Variants in NLRC4 observed in about 807,000 individuals in gnomAD.
The protein encoded by NLRC4 is NLR family CARD domain containing 4, also known as NLR family CARD domain-containing protein 4.
Under a neutral mutation model 79.9 loss-of-function variants are expected in NLRC4, and 63 were observed. That is an observed-to-expected ratio of 0.79 (90% CI 0.64 to 0.97). NLRC4 has a LOEUF of 0.97. Among genes scored for constraint, NLRC4 ranks in the 50% least tolerant of loss-of-function variants. NLRC4 has a pLI of 0.00. For missense variants in NLRC4, 1,074 were observed against 1,215.2 expected (o/e 0.88, Z 1.73); for synonymous variants, 461 against 456.5 (o/e 1.01, Z -0.12).
chr2:32,241,517 C>T (rs1686801555), intron 4 of NLRC4, among the ~76,000 whole-genome samples: 1 of 151,838 alleles, frequency 6.6e-6, no homozygotes, highest in African/African-American at 2.4e-5. Context: ...GCTGGGACTA[C>T]AGGCACCTGC....
rs751434892 is a variant in NLRC4 at position 32,261,316 on chromosome 2, C to CTTTTTTTTTTT, written c.-119+3421_-119+3422insAAAAAAAAAAA. ...TTCTTTCGCCTATTAAGCCTCCCCCCTTTTGTTTTTTTTTGAGATGGAGCC... is the reference window on the plus strand; with the variant it reads ...TTCTTTCGCCTATTAAGCCTCCCCCCTTTTTTTTTTTTTTTGTTTTTTTTTGAGATGGAGCC... On this transcript the variant is annotated intron_variant, in intron 1 of 8. Coordinates refer to ENST00000402280, the MANE Select transcript of NLRC4 (RefSeq NM_001199138.2). 1.8e-3 allele frequency among the ~76,000 whole-genome samples: 178 copies of CTTTTTTTTTTT among 96,790 alleles called. 18 individuals are homozygous for CTTTTTTTTTTT. Among genetic ancestry groups the CTTTTTTTTTTT allele is most frequent in the South Asian group, 2.8e-3 (9 of 3,188 alleles). 63.5% of individuals were successfully genotyped at this position (96,790 alleles called of 152,430 possible). A position where few individuals can be genotyped will look rare whatever the true frequency, so the allele number is the denominator to read the frequency against.
chr2:32,255,007 A>G (rs1278668394), intron 2 of NLRC4, among the ~76,000 whole-genome samples: 3 of 151,806 alleles, frequency 2.0e-5, no homozygotes, highest in Non-Finnish European at 4.4e-5. Flanking sequence ...GAAATGCACC[A>G]TCAATCACTC....
intron 8 of NLRC4, among the ~76,000 whole-genome samples, chr2:32,230,514 C>T (rs553367415): frequency 7.3e-5 from 11 of 150,358 alleles, no homozygotes; most frequent in Non-Finnish European, 1.3e-4. Context: ...CTCTCCCACC[C>T]AGGCTGGAGT....
chr2:32,244,172 C>T (rs1686875601), intron 4 of NLRC4, among the ~76,000 whole-genome samples: 1 of 152,030 alleles, frequency 6.6e-6, no homozygotes, highest in African/African-American at 2.4e-5. Context: ...ATCTGTTGAG[C>T]CCAGGAAGTC....
intron 1 of NLRC4, among the ~76,000 whole-genome samples, chr2:32,261,315 C>CTTTTTTTTTTTTTTTTTTT (rs1558464069): frequency 6.1e-5 from 5 of 81,572 alleles, no homozygotes; most frequent in African/African-American, 2.4e-4. Context: ...AAGCCTCCCC[C>CTTTTTTTTTTTTTTTTTTT]CTTTTGTTTT....
intron 5 of NLRC4, among the ~76,000 whole-genome samples, chr2:32,239,657 G>GT (rs1182325409): frequency 2.0e-4 from 30 of 152,314 alleles, no homozygotes; most frequent in African/African-American, 7.0e-4. Flanking sequence ...TTAATAAAGA[G>GT]TAAATTATTA....
rs192594986 is a variant in NLRC4 at position 32,247,473 on chromosome 2, C to T, written c.2257+2134G>A. Among the ~76,000 whole-genome samples, 1,160 of 151,404 alleles carry T rather than the reference C, an allele frequency of 7.7e-3. 18 individuals carry two copies. Among genetic ancestry groups the T allele is most frequent in the Non-Finnish European group, 0.011 (777 of 67,824 alleles). On this transcript the variant is annotated intron_variant, in intron 4 of 8. Transcript: ENST00000402280. ...GGGACTACAGGCATGTGCCACCACG[C>T]CCGGCTAATTTTGTATTTTTAGTAG...
At chr2:32,235,102 G>A (rs1314872847) in intron 8 of NLRC4, among the ~76,000 whole-genome samples, 1 of 152,108 alleles carries the variant, frequency 6.6e-6, no homozygotes, top group East Asian at 1.9e-4. Flanking sequence ...GATATTGGAG[G>A]GAGGGGCATT....
At chr2:32,239,061 A>C (rs572095218) in intron 5 of NLRC4, among the ~76,000 whole-genome samples, 1 of 152,264 alleles carries the variant, frequency 6.6e-6, no homozygotes, top group African/African-American at 2.4e-5. Flanking sequence ...TAGGCGAATC[A>C]CCTGAGGTCA....
chr2:32,246,729 C>T (rs930255346), intron 4 of NLRC4, among the ~76,000 whole-genome samples: 1 of 152,250 alleles, frequency 6.6e-6, no homozygotes, highest in African/African-American at 2.4e-5. Flanking sequence ...AGTCTAAAAT[C>T]TGAAATTTCA....
intron 4 of NLRC4, among the ~76,000 whole-genome samples, chr2:32,249,357 A>G (rs1203174032): frequency 6.6e-6 from 1 of 152,174 alleles, no homozygotes; most frequent in Non-Finnish European, 1.5e-5. Context: ...GAATATTCAT[A>G]GCTCCTCCTG....
chr2:32,241,802 C>T (rs1479784214), intron 4 of NLRC4, among the ~76,000 whole-genome samples: 1 of 151,904 alleles, frequency 6.6e-6, no homozygotes, highest in African/African-American at 2.4e-5. Context: ...AAAAACAAAA[C>T]TTCAAAATCT....
In NLRC4 at chr2:32,252,439, A is replaced by T; in HGVS notation, c.242T>A (p.Phe81Tyr). Residue 81 changes from phenylalanine (F) to tyrosine (Y), a missense_variant, in exon 3 of 9, where the codon TTT becomes TAT. Coordinates refer to ENST00000402280, the MANE Select transcript of NLRC4 (RefSeq NM_001199138.2). ...CTTACTTTGTCCATTCAAGTCCTGA[A>T]ATAGAGGATAGTTCCACTCCTTAAG... ...KSLKEWNYPLFQDLNGQSLFH... is the reference protein window; with the variant it reads ...KSLKEWNYPLYQDLNGQSLFH... 6.2e-7 allele frequency: 1 copy of T among 1,610,460 alleles called. No individual in the cohort carries two copies. The highest frequency in any genetic ancestry group is 8.5e-7 in the Non-Finnish European group (1 of 1,176,626).
At chr2:32,233,844 C>G (rs1686610980) in intron 8 of NLRC4, among the ~76,000 whole-genome samples, 1 of 152,148 alleles carries the variant, frequency 6.6e-6, no homozygotes, top group Admixed American at 6.5e-5. Flanking sequence ...TGTTGATTCT[C>G]TGTCTGGGAG....
intron 1 of NLRC4, among the ~76,000 whole-genome samples, chr2:32,263,031 G>T (rs751265353): frequency 1.3e-5 from 2 of 151,938 alleles, no homozygotes; most frequent in African/African-American, 2.4e-5. Flanking sequence ...ATAATATTTA[G>T]TACTAATTCT....
intron 3 of NLRC4, among the ~76,000 whole-genome samples, chr2:32,251,851 A>C (rs1229230386): frequency 6.6e-6 from 1 of 152,154 alleles, no homozygotes; most frequent in Admixed American, 6.6e-5. Flanking sequence ...TGGTTGGAAA[A>C]GGGAGGAGCT....
intron 8 of NLRC4, among the ~76,000 whole-genome samples, chr2:32,230,229 A>G (rs1339963353): frequency 6.6e-6 from 1 of 152,234 alleles, no homozygotes. Context: ...GGAGACGCTG[A>G]GTACTGATTG....
intron 1 of NLRC4, 118 bp from the exon 2 acceptor site, chr2:32,257,011 C>T (rs533743713): frequency 6.2e-6 from 3 of 483,032 alleles, no homozygotes; most frequent in Non-Finnish European, 1.1e-5. Context: ...GAAAAAAACT[C>T]GCTCAAAGCC....
chr2:32,261,316 C>CCCCTTTTTTTT, intron 1 of NLRC4, among the ~76,000 whole-genome samples: 10 of 96,882 alleles, frequency 1.0e-4, no homozygotes, highest in Non-Finnish European at 1.7e-4. Context: ...AGCCTCCCCC[C>CCCCTTTTTTTT]TTTTGTTTTT....
Sources: allele counts gnomAD v4.1 joint callset (sites outside exome capture counted in the v4.1 genomes callset), GRCh38; gene constraint gnomAD v4.1.1; transcripts MANE v1.5; gene names NCBI Gene and HGNC (gene_info 2026-07-23, HGNC 2026-07-21).